The following ATP10B variants were observed in gnomAD, a reference collection of about 807,000 sequenced individuals.
ATP10B encodes phospholipid-transporting ATPase VB.
In ATP10B, 122 loss-of-function variants were observed where a neutral mutation model predicts 141.2. The observed-to-expected ratio is 0.86, with a 90% confidence interval of 0.75 to 1.00. ATP10B has a LOEUF of 1.00. Ranked by LOEUF, ATP10B falls within the 50% of genes least tolerant of loss-of-function variation. ATP10B has a pLI of 0.00. For synonymous variants in ATP10B, 685 were observed against 692.0 expected (o/e 0.99, Z 0.16); for missense variants, 1,876 against 1,825.3 (o/e 1.03, Z -0.51).
At chr5:160,736,443 A>T (rs1337838241) in intron 2 of ATP10B, among the ~76,000 whole-genome samples, 1 of 152,194 alleles carries the variant, frequency 6.6e-6, no homozygotes, top group Non-Finnish European at 1.5e-5. Flanking sequence ...ACCAATAACA[A>T]GTAATAAGAT....
intron 1 of ATP10B, among the ~76,000 whole-genome samples, chr5:160,822,263 T>C (rs1774165750): frequency 6.6e-6 from 1 of 151,996 alleles, no homozygotes; most frequent in Non-Finnish European, 1.5e-5. Context: ...TATGAAAAGG[T>C]GTTCAACATC....
At chr5:160,910,464 G>A in the ATP10B span, among the ~76,000 whole-genome samples, 1 of 152,162 alleles carries the variant, frequency 6.6e-6, no homozygotes, top group African/African-American at 2.4e-5. Flanking sequence ...CGAGAACAAA[G>A]TCTGGCCCGT....
chr5:160,773,647 T>C (rs1418083481), intron 2 of ATP10B, among the ~76,000 whole-genome samples: 2 of 152,222 alleles, frequency 1.3e-5, no homozygotes, highest in African/African-American at 4.8e-5. Context: ...AAGTGGCAGA[T>C]CTAGGCCTTA....
chr5:160,716,685 G>A (rs1471402314), intron 3 of ATP10B, among the ~76,000 whole-genome samples: 2 of 152,170 alleles, frequency 1.3e-5, no homozygotes, highest in Non-Finnish European at 2.9e-5. Flanking sequence ...ACAAGGTAGA[G>A]GTTTCTTTAT....
intron 1 of ATP10B, among the ~76,000 whole-genome samples, chr5:160,787,896 T>C (rs1489162236): frequency 6.6e-6 from 1 of 152,168 alleles, no homozygotes; most frequent in Non-Finnish European, 1.5e-5. Context: ...CCTTATTAAT[T>C]AGATGCCAAC....
intron 25 of ATP10B, among the ~76,000 whole-genome samples, chr5:160,568,106 G>A (rs7716891): frequency 0.023 from 3,487 of 152,220 alleles, 126 homozygotes; most frequent in African/African-American, 0.08. Flanking sequence ...GATTTCTGGG[G>A]TGGTGCCGGT....
chr5:160,842,864 C>G (rs1312435266), intron 1 of ATP10B, among the ~76,000 whole-genome samples: 6 of 151,852 alleles, frequency 4.0e-5, no homozygotes, highest in African/African-American at 1.5e-4. Flanking sequence ...GTAATTTCTT[C>G]CAAGAGCTAA....
At chr5:160,744,534 C>T (rs1198805995) in intron 2 of ATP10B, among the ~76,000 whole-genome samples, 4 of 152,166 alleles carry the variant, frequency 2.6e-5, no homozygotes. Context: ...GTCAATGAGG[C>T]TTTACTTTTG....
upstream of ATP10B, chr5:160,852,296 G>A (rs1191773872): frequency 6.6e-6 from 1 of 152,172 alleles, no homozygotes; most frequent in East Asian, 1.9e-4. Context: ...CATTTACATT[G>A]TTAGACATGG....
At chr5:160,774,506 TCTGCAAG>T (rs1770139487) in intron 2 of ATP10B, among the ~76,000 whole-genome samples, 2 of 152,192 alleles carry the variant, frequency 1.3e-5, no homozygotes, top group African/African-American at 4.8e-5. Flanking sequence ...AGACATCATA[TCTGCAAG>T]CTGTTGGCAA....
chr5:160,776,961 C>T (rs1770376122), intron 2 of ATP10B, among the ~76,000 whole-genome samples: 1 of 152,146 alleles, frequency 6.6e-6, no homozygotes, highest in Non-Finnish European at 1.5e-5. Context: ...AGTAGGTTGA[C>T]ACTTTTGGGG....
At chr5:160,584,427 C>T (rs1755756287) in intron 24 of ATP10B, among the ~76,000 whole-genome samples, 1 of 152,170 alleles carries the variant, frequency 6.6e-6, no homozygotes, top group South Asian at 2.1e-4. Flanking sequence ...AAATCACCCA[C>T]CTTCTGTGTT....
Position 160,565,886 on chromosome 5 carries a change from G to GA in ATP10B, c.3952dup (p.Ser1318PhefsTer18). The GA allele has an allele frequency of 6.2e-7, 1 of 1,607,812 alleles. No individual in the cohort carries two copies. Among genetic ancestry groups the GA allele is most frequent in the Non-Finnish European group, 8.5e-7 (1 of 1,178,210 alleles). On this transcript the variant is annotated frameshift_variant, in exon 26 of 26. Coordinates refer to ENST00000327245, the MANE Select transcript of ATP10B (RefSeq NM_025153.3). LOFTEE classifies it low-confidence loss of function (END_TRUNC). ...AGACTTCCCACAAGTTCCTTGCAGA[G>GA]ACAGGAAAAAGTATCTGGTGGGAAA...
At chr5:160,898,967 G>A in the ATP10B span, among the ~76,000 whole-genome samples, 50 of 151,030 alleles carry the variant, frequency 3.3e-4, no homozygotes, top group African/African-American at 1.2e-3. Flanking sequence ...CACAGGGAGG[G>A]GAACATCACA....
intron 24 of ATP10B, among the ~76,000 whole-genome samples, chr5:160,585,418 CAT>C (rs1384479213): frequency 6.6e-6 from 1 of 152,154 alleles, no homozygotes; most frequent in Non-Finnish European, 1.5e-5. Context: ...TCTTGGCTAA[CAT>C]ATTGAAACCC....
chr5:160,879,588 C>T, the ATP10B span, among the ~76,000 whole-genome samples: 2 of 150,750 alleles, frequency 1.3e-5, no homozygotes, highest in Middle Eastern at 3.5e-3. Context: ...GCCTGTAATC[C>T]CACACTTTGG....
At chr5:160,838,147 T>C (rs1775576662) in intron 1 of ATP10B, among the ~76,000 whole-genome samples, 1 of 152,186 alleles carries the variant, frequency 6.6e-6, no homozygotes, top group Non-Finnish European at 1.5e-5. Flanking sequence ...CTGCTTTATG[T>C]AGCATGAAGT....
upstream of ATP10B, among the ~76,000 whole-genome samples, chr5:160,854,843 C>T (rs186266923): frequency 6.8e-4 from 103 of 152,268 alleles, no homozygotes; most frequent in Admixed American, 2.7e-3. Flanking sequence ...CATACTTTGA[C>T]TCATTTAATT....
chr5:160,611,828 C>G (rs1757737353), intron 18 of ATP10B: 1 of 152,240 alleles, frequency 6.6e-6, no homozygotes, highest in East Asian at 1.9e-4. Flanking sequence ...TACGCCCACA[C>G]CCCTGCAGTA....
Sources: gnomAD v4.1 joint callset for allele counts (sites outside exome capture counted in the v4.1 genomes callset) on GRCh38, gnomAD v4.1.1 for gene constraint, MANE v1.5 for transcripts, NCBI Gene and HGNC (gene_info 2026-07-23, HGNC 2026-07-21) for gene names.